LRRC4C: variants seen among roughly 807,000 people sequenced by gnomAD.
LRRC4C encodes the protein leucine rich repeat containing 4C.
Under a neutral mutation model 33.6 loss-of-function variants are expected in LRRC4C, and 5 were observed. The ratio of observed to expected loss-of-function variants is 0.15; its 90% CI spans 0.08 to 0.31. The LOEUF (loss-of-function observed/expected upper bound fraction) is 0.31, where lower values mean the gene tolerates loss of function less well. LRRC4C is among the 10% of genes least tolerant of loss of function. The pLI is 1.00. For missense variants in LRRC4C, 560 were observed against 796.7 expected, an observed-to-expected ratio of 0.70 and a Z score of 3.58; for synonymous variants, 329 against 302.0, an observed-to-expected ratio of 1.09 and a Z score of -0.93.
intron 3 of LRRC4C, among the ~76,000 whole-genome samples, chr11:40,430,351 G>A (rs980206020): frequency 2.6e-5 from 4 of 152,056 alleles, no homozygotes; most frequent in African/African-American, 4.8e-5. Context: ...TAGAAGATTG[G>A]TGAAGGATTA....
At chr11:40,724,632 C>A (rs1947196510) in intron 2 of LRRC4C, among the ~76,000 whole-genome samples, 1 of 152,076 alleles carries the variant, frequency 6.6e-6, no homozygotes, top group South Asian at 2.1e-4. Flanking sequence ...AAGTTTGTAA[C>A]ACCAAATACC....
chr11:40,120,459 G>A (rs891361179), intron 6 of LRRC4C, among the ~76,000 whole-genome samples: 21 of 152,088 alleles, frequency 1.4e-4, no homozygotes, highest in Admixed American at 2.6e-4. Flanking sequence ...TATCATTTGA[G>A]TGATTTAGTG....
chr11:40,757,769 A>G (rs1336723934), intron 2 of LRRC4C, among the ~76,000 whole-genome samples: 1 of 152,006 alleles, frequency 6.6e-6, no homozygotes, highest in Admixed American at 6.6e-5. Flanking sequence ...TTTGCAGAGA[A>G]GTTCCAGACA....
chr11:40,898,035 A>G (rs1956029403), intron 2 of LRRC4C, among the ~76,000 whole-genome samples: 1 of 152,198 alleles, frequency 6.6e-6, no homozygotes, highest in Non-Finnish European at 1.5e-5. Flanking sequence ...AGGTCTACAA[A>G]AAGAAAAAAA....
chr11:40,543,707 G>A (rs1025738180), intron 3 of LRRC4C, among the ~76,000 whole-genome samples: 4 of 152,076 alleles, frequency 2.6e-5, no homozygotes, highest in Non-Finnish European at 5.9e-5. Context: ...GTATAAGCAA[G>A]GGAGAAAAGT....
At chr11:40,311,584 T>C (rs559154170) in intron 4 of LRRC4C, among the ~76,000 whole-genome samples, 1 of 152,330 alleles carries the variant, frequency 6.6e-6, no homozygotes, top group African/African-American at 2.4e-5. Context: ...AGCTGAGATT[T>C]AGCAGGTAAT....
chr11:40,406,423 A>C (rs185875582), intron 3 of LRRC4C, among the ~76,000 whole-genome samples: 1 of 152,150 alleles, frequency 6.6e-6, no homozygotes, highest in Non-Finnish European at 1.5e-5. Context: ...TCTTTAGCTA[A>C]ATGATAAATT....
At chr11:40,664,840 A>G (rs1272330081) in intron 2 of LRRC4C, among the ~76,000 whole-genome samples, 1 of 151,972 alleles carries the variant, frequency 6.6e-6, no homozygotes, top group African/African-American at 2.4e-5. Context: ...TTTTTTACAT[A>G]TGTATACATG....
intron 2 of LRRC4C, among the ~76,000 whole-genome samples, chr11:40,876,808 C>T (rs1269165750): frequency 6.7e-6 from 1 of 150,260 alleles, no homozygotes; most frequent in African/African-American, 2.5e-5. Flanking sequence ...GAGGCTGAGG[C>T]TCAAGAATTG....
chr11:41,092,173 T>G (rs1487335067), intron 1 of LRRC4C, among the ~76,000 whole-genome samples: 1 of 152,184 alleles, frequency 6.6e-6, no homozygotes, highest in Non-Finnish European at 1.5e-5. Flanking sequence ...TTTTGTATGG[T>G]TCAATCTGAT....
At chr11:40,122,527 G>A (rs961053287) in intron 6 of LRRC4C, among the ~76,000 whole-genome samples, 2 of 152,146 alleles carry the variant, frequency 1.3e-5, no homozygotes, top group South Asian at 4.2e-4. Flanking sequence ...CTGTTCCTAT[G>A]TCAGTCAAAC....
At chr11:41,420,520 T>C (rs770417785) in intron 1 of LRRC4C, among the ~76,000 whole-genome samples, 28 of 152,068 alleles carry the variant, frequency 1.8e-4, no homozygotes, top group Non-Finnish European at 3.5e-4. Flanking sequence ...GAACAAAGCA[T>C]ACATTGCTAG....
chr11:40,822,352 T>TA (rs1319835012), intron 2 of LRRC4C, among the ~76,000 whole-genome samples: 7 of 151,498 alleles, frequency 4.6e-5, no homozygotes, highest in South Asian at 2.1e-4. Flanking sequence ...TTTTTTTTTT[T>TA]ATCGCTGAAT....
chr11:40,795,126 C>T (rs1298821241), intron 2 of LRRC4C, among the ~76,000 whole-genome samples: 1 of 152,132 alleles, frequency 6.6e-6, no homozygotes, highest in Non-Finnish European at 1.5e-5. Context: ...AAAGCAATAA[C>T]ATACTCTAAA....
chr11:40,527,379 A>G (rs994044335), intron 3 of LRRC4C, among the ~76,000 whole-genome samples: 6 of 152,214 alleles, frequency 3.9e-5, no homozygotes, highest in African/African-American at 1.4e-4. Flanking sequence ...TTCCTTTGCA[A>G]AATAATAGAG....
chr11:41,353,550 C>G (rs1952055351), intron 1 of LRRC4C, among the ~76,000 whole-genome samples: 1 of 151,994 alleles, frequency 6.6e-6, no homozygotes. Flanking sequence ...GATGCCAAAA[C>G]CTGGAAGTGA....
chr11:40,182,502 C>T (rs1379956503), intron 5 of LRRC4C, among the ~76,000 whole-genome samples: 1 of 152,154 alleles, frequency 6.6e-6, no homozygotes, highest in Non-Finnish European at 1.5e-5. Context: ...CTAAATGCCA[C>T]AGAATAAGTA....
At chr11:40,196,507 G>A (rs10837363) in intron 5 of LRRC4C, among the ~76,000 whole-genome samples, 43,090 of 151,882 alleles carry the variant, frequency 0.28, 6,304 homozygotes, top group East Asian at 0.5. Context: ...ACTTACCTTG[G>A]AACATTTTCC....
intron 1 of LRRC4C, among the ~76,000 whole-genome samples, chr11:41,110,776 A>T (rs1941783162): frequency 6.6e-6 from 1 of 152,070 alleles, no homozygotes; most frequent in Non-Finnish European, 1.5e-5. Context: ...TACTGAATAC[A>T]CAAAGTCACA....
Sources: gnomAD v4.1 joint callset for allele counts (sites outside exome capture counted in the v4.1 genomes callset) on GRCh38, gnomAD v4.1.1 for gene constraint, MANE v1.5 for transcripts, NCBI Gene and HGNC (gene_info 2026-07-23, HGNC 2026-07-21) for gene names.